The following SOHLH2 variants were observed in gnomAD, a reference collection of about 807,000 sequenced individuals.
The protein encoded by SOHLH2 is spermatogenesis and oogenesis specific basic helix-loop-helix 2.
Under a neutral mutation model 50.4 loss-of-function variants are expected in SOHLH2, and 22 were observed. The observed-to-expected ratio is 0.44, with a 90% CI of 0.31 to 0.62. The LOEUF (loss-of-function observed/expected upper bound fraction) is 0.62, where lower values mean the gene tolerates loss of function less well. Ranked by LOEUF, SOHLH2 falls within the 20% of genes least tolerant of loss-of-function variation. The pLI, the probability that SOHLH2 is intolerant of heterozygous loss-of-function variation, is 0.08. For missense variants in SOHLH2, 412 were observed against 504.4 expected, an observed-to-expected ratio of 0.82 and a Z score of 1.76; for synonymous variants, 185 against 187.3, an observed-to-expected ratio of 0.99 and a Z score of 0.10.
At chr13:36,199,678 G>A (rs983630218) in intron 2 of SOHLH2, among the ~76,000 whole-genome samples, 1 of 152,062 alleles carries the variant, frequency 6.6e-6, no homozygotes, top group South Asian at 2.1e-4. Context: ...TGTTACTCAG[G>A]GCAATAAAAG....
intron 2 of SOHLH2, among the ~76,000 whole-genome samples, chr13:36,200,510 G>C (rs1178838925): frequency 6.6e-6 from 1 of 152,122 alleles, no homozygotes; most frequent in East Asian, 1.9e-4. Context: ...TTGCTTGCCT[G>C]TTTATTCAGG....
In SOHLH2 at chr13:36,196,508, G is replaced by A. The variant is rs1295973950; in HGVS notation, c.264-2641C>T. On this transcript the variant is annotated intron_variant, in intron 2 of 10. Coordinates refer to ENST00000379881, the MANE Select transcript of SOHLH2 (RefSeq NM_017826.3). ...CAGAATGAGGAAAGAGAGGTGAAAG[G>A]GAATAATGGACTGAGCAGATGGGAC... is the stretch of plus-strand genomic sequence containing the variant. Among the ~76,000 whole-genome samples, 3 of 152,184 alleles carry A rather than the reference G, an allele frequency of 2.0e-5. No individual in the cohort carries two copies. In the East Asian group the frequency reaches 5.8e-4, roughly 29 times the overall value.
At chr13:36,199,352 C>T (rs3790012) in intron 2 of SOHLH2, among the ~76,000 whole-genome samples, 89,323 of 151,876 alleles carry the variant, frequency 0.59, 26,444 homozygotes, top group East Asian at 0.68. Flanking sequence ...ACTCTGTCCC[C>T]TTGCAGAGAG....
intron 1 of SOHLH2, among the ~76,000 whole-genome samples, chr13:36,204,315 T>C (rs1377070208): frequency 1.3e-5 from 2 of 152,198 alleles, no homozygotes; most frequent in East Asian, 3.9e-4. Context: ...ACAAATCTAC[T>C]GTTTCCTTTA....
intron 1 of SOHLH2, among the ~76,000 whole-genome samples, chr13:36,206,068 T>A (rs1868742668): frequency 6.6e-6 from 1 of 152,066 alleles, no homozygotes; most frequent in African/African-American, 2.4e-5. Flanking sequence ...TTTTTCTTTT[T>A]CTGGTAATGC....
chr13:36,170,878 A>G, intron 9 of SOHLH2, 91 bp from the exon 10 acceptor site: 1 of 1,524,974 alleles, frequency 6.6e-7, no homozygotes, highest in Non-Finnish European at 8.8e-7. Flanking sequence ...CCGCTATTTC[A>G]TTTCCTCACA....
intron 6 of SOHLH2, among the ~76,000 whole-genome samples, chr13:36,185,069 G>T: frequency 6.6e-6 from 1 of 152,138 alleles, no homozygotes; most frequent in East Asian, 1.9e-4. Flanking sequence ...CTGGTTTCCA[G>T]CTTCATCTAC....
chr13:36,174,635 T>C, intron 7 of SOHLH2, 68 bp from the exon 8 acceptor site: 1 of 1,600,372 alleles, frequency 6.2e-7, no homozygotes, highest in African/African-American at 1.4e-5. Context: ...ACACATACTT[T>C]CCAATGATAA....
chr13:36,208,530 C>CGAGA (rs1260173185), intron 1 of SOHLH2, among the ~76,000 whole-genome samples: 1 of 152,140 alleles, frequency 6.6e-6, no homozygotes, highest in African/African-American at 2.4e-5. Flanking sequence ...CAGCCTCTCT[C>CGAGA]CAAACAAGGC....
chr13:36,185,160 C>CT lies in SOHLH2; in HGVS notation c.641+4785dup, dbSNP rs34353129. ...TGTATATGTGCCACATTTTCAAAGACTTTTTTTTTAAAAAGCAAAGTATAG... is the reference window on the plus strand; with the variant it reads ...TGTATATGTGCCACATTTTCAAAGACTTTTTTTTTTAAAAAGCAAAGTATAG... On this transcript the variant is annotated intron_variant, in intron 6 of 10. Transcript: ENST00000379881. 3.4e-3 allele frequency among the ~76,000 whole-genome samples: 510 copies of CT among 151,616 alleles called. 3 individuals carry two copies. Among genetic ancestry groups the CT allele is most frequent in the African/African-American group, 0.011 (460 of 41,316 alleles).
chr13:36,186,676 C>T (rs768273609), intron 6 of SOHLH2, among the ~76,000 whole-genome samples: 10 of 152,116 alleles, frequency 6.6e-5, no homozygotes, highest in Non-Finnish European at 1.5e-4. Context: ...GGAGAATACA[C>T]ACTTTACAAG....
chr13:36,176,309 G>A (rs191596636), intron 6 of SOHLH2, among the ~76,000 whole-genome samples: 83 of 152,182 alleles, frequency 5.5e-4, no homozygotes, highest in Admixed American at 3.2e-3. Context: ...CTAGGCATAT[G>A]TCACATTCAG....
At chr13:36,180,999 C>G (rs1887238945) in intron 6 of SOHLH2, among the ~76,000 whole-genome samples, 1 of 152,102 alleles carries the variant, frequency 6.6e-6, no homozygotes, top group East Asian at 1.9e-4. Context: ...TTAAAATTAT[C>G]TATTTGTCCA....
At chr13:36,211,139 A>G (rs1335127745) in intron 1 of SOHLH2, among the ~76,000 whole-genome samples, 1 of 152,234 alleles carries the variant, frequency 6.6e-6, no homozygotes, top group East Asian at 1.9e-4. Context: ...TGAATGCCCA[A>G]AAATAACCTA....
chr13:36,200,779 G>C (rs1272166035), intron 2 of SOHLH2, among the ~76,000 whole-genome samples: 1 of 152,080 alleles, frequency 6.6e-6, no homozygotes, highest in Non-Finnish European at 1.5e-5. Context: ...GGCTAGGCAT[G>C]GTGGCTCACC....
intron 5 of SOHLH2, among the ~76,000 whole-genome samples, chr13:36,190,325 A>G (rs1191265365): frequency 1.3e-5 from 2 of 152,210 alleles, no homozygotes; most frequent in East Asian, 3.8e-4. Context: ...TACAAGCAGG[A>G]TTAAAACATT....
chr13:36,202,792 G>C (rs7993473), intron 1 of SOHLH2, among the ~76,000 whole-genome samples: 4,728 of 152,308 alleles, frequency 0.031, 174 homozygotes, highest in African/African-American at 0.089. Flanking sequence ...GGAAATGCCA[G>C]GCCATAGACA....
At chr13:36,201,048 C>CAAAAAAAAAAAAAAAAAA (rs10660002) in intron 2 of SOHLH2, among the ~76,000 whole-genome samples, 4 of 55,958 alleles carry the variant, frequency 7.1e-5, no homozygotes, top group Non-Finnish European at 9.6e-5. Context: ...GACTCTGCCT[C>CAAAAAAAAAAAAAAAAAA]AAAAAAAAAA....
Position 36,193,741 on chromosome 13 carries a change from T to A in SOHLH2, c.326-16A>T, listed in dbSNP as rs758116567. 1.5e-5 allele frequency: 24 copies of A among 1,607,306 alleles called. No individual in the cohort carries two copies. The highest frequency in any genetic ancestry group is 2.0e-5 in the Non-Finnish European group (23 of 1,178,080). On this transcript the variant is annotated splice_polypyrimidine_tract_variant and intron_variant, in intron 3 of 10. Transcript: ENST00000379881. ...GAAATACAACCTAAGAATCTTTATATTAAATATTGACCTTATAGTTTCTAT... is the reference window on the plus strand; with the variant it reads ...GAAATACAACCTAAGAATCTTTATAATAAATATTGACCTTATAGTTTCTAT...
Sources: allele counts gnomAD v4.1 joint callset (sites outside exome capture counted in the v4.1 genomes callset), GRCh38; gene constraint gnomAD v4.1.1; transcripts MANE v1.5; gene names NCBI Gene and HGNC (gene_info 2026-07-23, HGNC 2026-07-21).